FER: variants seen among roughly 807,000 people sequenced by gnomAD.
FER encodes tyrosine-protein kinase Fer.
Under a neutral mutation model 111.0 loss-of-function variants are expected in FER, and 63 were observed. That is an observed-to-expected ratio of 0.57 (90% CI 0.46 to 0.70). FER has a LOEUF of 0.70. Among genes scored for constraint, FER ranks in the 30% least tolerant of loss-of-function variants. The pLI, the probability that FER is intolerant of heterozygous loss-of-function variation, is 0.00. For missense variants in FER, 914 were observed against 954.0 expected (o/e 0.96, Z 0.55); for synonymous variants, 327 against 313.9 (o/e 1.04, Z -0.44).
At chr5:109,043,176 T>A (rs1771429810) in intron 14 of FER, among the ~76,000 whole-genome samples, 1 of 152,164 alleles carries the variant, frequency 6.6e-6, no homozygotes, top group Non-Finnish European at 1.5e-5. Flanking sequence ...CCAGGAAGAA[T>A]CTTTTGATTA....
intron 11 of FER, among the ~76,000 whole-genome samples, chr5:108,946,540 A>G (rs531512377): frequency 1.3e-5 from 2 of 152,130 alleles, no homozygotes; most frequent in East Asian, 3.9e-4. Context: ...TACTGGAATA[A>G]TAGTGTAAAC....
intron 13 of FER, among the ~76,000 whole-genome samples, chr5:108,972,549 G>T (rs551998008): frequency 2.0e-5 from 3 of 152,166 alleles, no homozygotes; most frequent in South Asian, 2.1e-4. Context: ...AATTTATTCA[G>T]TCTTGTACTA....
intron 14 of FER, among the ~76,000 whole-genome samples, chr5:109,044,451 G>A (rs1771652061): frequency 6.6e-6 from 1 of 152,070 alleles, no homozygotes; most frequent in Admixed American, 6.6e-5. Flanking sequence ...AAAGTGCTGG[G>A]ATTACAGGCA....
intron 1 of FER, among the ~76,000 whole-genome samples, chr5:108,749,217 C>G (rs988274433): frequency 3.3e-5 from 5 of 152,134 alleles, no homozygotes; most frequent in Non-Finnish European, 7.4e-5. Flanking sequence ...GTCATCCGCT[C>G]ATCCTCCCGC....
intron 14 of FER, among the ~76,000 whole-genome samples, chr5:109,042,175 C>A (rs192187759): frequency 1.3e-5 from 2 of 152,138 alleles, no homozygotes; most frequent in Non-Finnish European, 2.9e-5. Flanking sequence ...GAAGATTAAC[C>A]GAGGACCAGG....
Position 109,042,082 on chromosome 5 carries a change from G to T in FER, c.1714-2598G>T, listed in dbSNP as rs183966171. ...TGATGATGGGCCATGAATTCCAGAA[G>T]GCACTATGCAAGTCGGAGATAGATG... On this transcript the variant is annotated intron_variant, in intron 14 of 19. Transcript: ENST00000281092. 1.9e-3 allele frequency among the ~76,000 whole-genome samples: 288 copies of T among 152,226 alleles called. 2 individuals carry two copies. The highest frequency in any genetic ancestry group is 6.3e-3 in the African/African-American group (260 of 41,550).
intron 13 of FER, among the ~76,000 whole-genome samples, chr5:109,037,174 A>G (rs750073877): frequency 2.0e-5 from 3 of 152,062 alleles, no homozygotes; most frequent in Non-Finnish European, 4.4e-5. Flanking sequence ...AATTACAGAG[A>G]TACTATCATT....
At chr5:108,830,788 CT>C (rs1420731843) in intron 3 of FER, 1 of 152,212 alleles carries the variant, frequency 6.6e-6, no homozygotes, top group Non-Finnish European at 1.5e-5. Context: ...GGAGCTGGGA[CT>C]TCTGCAGAAA....
chr5:108,881,838 C>T (rs1765709836), intron 8 of FER, among the ~76,000 whole-genome samples: 1 of 151,924 alleles, frequency 6.6e-6, no homozygotes, highest in African/African-American at 2.4e-5. Flanking sequence ...TTCTAATTAC[C>T]TCCTAGAGGC....
intron 16 of FER, among the ~76,000 whole-genome samples, chr5:109,080,275 T>C (rs1776839745): frequency 6.6e-6 from 1 of 152,142 alleles, no homozygotes. Flanking sequence ...ACAATTTTAA[T>C]TGCTTATTTG....
intron 1 of FER, chr5:108,748,679 C>A (rs1048131720): frequency 6.6e-6 from 1 of 152,486 alleles, no homozygotes; most frequent in African/African-American, 2.4e-5. Flanking sequence ...CGTCTCCACT[C>A]CCAGGGCCCG....
At position 109,191,791 on chromosome 5, in the gene FER, G is replaced by C. The variant is rs1759400703; in HGVS notation, c.*4216G>C. The C allele has an allele frequency of 6.6e-6, 1 of 151,846 alleles. No homozygotes were observed. Among genetic ancestry groups the C allele is most frequent in the Non-Finnish European group, 1.5e-5 (1 of 67,956 alleles). The allele number at this position is 151,846 out of a possible 1,614,324, so 9.4% of individuals were successfully genotyped here. A position where few individuals can be genotyped will look rare whatever the true frequency, so the allele number is the denominator to read the frequency against. ...TATGTTTTGATTAGTTTCACATCAA[G>C]TCTGAATACTATATTTTGGAAGAAT... On this transcript the variant is annotated 3_prime_UTR_variant, in exon 20 of 20. Coordinates refer to ENST00000281092, the MANE Select transcript of FER (RefSeq NM_005246.4).
rs991999697 is a variant in FER at position 109,138,076 on chromosome 5, T to G, written c.2048+37557T>G. Among the ~76,000 whole-genome samples, 31 of 152,264 alleles carry G rather than the reference T, an allele frequency of 2.0e-4. 1 individual carries two copies. The highest frequency in any genetic ancestry group is 7.5e-4 in the African/African-American group (31 of 41,564). ...ATATCGGAACTAAAGAGACTCATGCTTCAGGAACTATAGGAGAGAATGCCA... is the reference window on the plus strand; with the variant it reads ...ATATCGGAACTAAAGAGACTCATGCGTCAGGAACTATAGGAGAGAATGCCA... On this transcript the variant is annotated intron_variant, in intron 17 of 19. Coordinates refer to ENST00000281092, the MANE Select transcript of FER (RefSeq NM_005246.4).
intron 13 of FER, among the ~76,000 whole-genome samples, chr5:108,991,384 C>T (rs150969207): frequency 1.3e-4 from 20 of 151,980 alleles, no homozygotes; most frequent in Admixed American, 2.6e-4. Context: ...TGAAGTGTCA[C>T]GGCCCCCCCA....
At chr5:108,981,422 C>T (rs1423708283) in intron 13 of FER, among the ~76,000 whole-genome samples, 1 of 151,810 alleles carries the variant, frequency 6.6e-6, no homozygotes, top group Non-Finnish European at 1.5e-5. Context: ...ATATTCCCTC[C>T]TTATATAAGG....
chr5:109,130,633 G>A (rs1561934462), intron 17 of FER, among the ~76,000 whole-genome samples: 4 of 150,458 alleles, frequency 2.7e-5, no homozygotes, highest in Admixed American at 1.3e-4. Flanking sequence ...GGTATTTTAC[G>A]TTTTTTTTTC....
chr5:108,957,956 A>G (rs926865908), intron 12 of FER, among the ~76,000 whole-genome samples: 2 of 151,722 alleles, frequency 1.3e-5, no homozygotes, highest in Middle Eastern at 3.4e-3. Context: ...AATATTCTTA[A>G]GGATCAGTGC....
At chr5:108,913,024 G>A (rs552335407) in intron 10 of FER, among the ~76,000 whole-genome samples, 2 of 152,252 alleles carry the variant, frequency 1.3e-5, no homozygotes, top group Admixed American at 1.3e-4. Flanking sequence ...TGGGGGTTGA[G>A]CTGGAAAGAA....
Position 109,137,851 on chromosome 5 carries a change from A to C in FER, c.2048+37332A>C, listed in dbSNP as rs537257814. Among the ~76,000 whole-genome samples the C allele has an allele frequency of 2.6e-5, 4 of 152,308 alleles. No homozygotes were observed. The South Asian group carries it at 8.3e-4, about 32-fold the overall frequency. Reference sequence around the variant, plus strand: ...ATCTTCAGAGCTTGAGGTTTCTGCCATGGTTAATTCTAATCTTTTTCTTAT... The same window carrying C: ...ATCTTCAGAGCTTGAGGTTTCTGCCCTGGTTAATTCTAATCTTTTTCTTAT... On this transcript the variant is annotated intron_variant, in intron 17 of 19. Coordinates refer to ENST00000281092, the MANE Select transcript of FER (RefSeq NM_005246.4).
Sources: gnomAD v4.1 joint callset for allele counts (sites outside exome capture counted in the v4.1 genomes callset) on GRCh38, gnomAD v4.1.1 for gene constraint, MANE v1.5 for transcripts, NCBI Gene and HGNC (gene_info 2026-07-23, HGNC 2026-07-21) for gene names.